The following AK9 variants were observed in gnomAD, a reference collection of about 807,000 sequenced individuals.
AK9 encodes the protein adenylate kinase domain containing 1.
A neutral mutation model predicts 239.6 loss-of-function variants in AK9; 191 were observed. The observed-to-expected ratio is 0.80, with a 90% CI of 0.71 to 0.90. The LOEUF (loss-of-function observed/expected upper bound fraction) is 0.90, where lower values mean the gene tolerates loss of function less well. Ranked by LOEUF, AK9 falls within the 40% of genes least tolerant of loss-of-function variation. AK9 has a pLI of 0.00. For synonymous variants in AK9, 689 were observed against 721.0 expected (o/e 0.96, Z 0.71); for missense variants, 1,995 against 2,214.7 (o/e 0.90, Z 1.99).
chr6:109,574,759 C>T (rs2128198534), intron 20 of AK9, among the ~76,000 whole-genome samples: 1 of 151,892 alleles, frequency 6.6e-6, no homozygotes, highest in East Asian at 1.9e-4. Flanking sequence ...TGTTTTGTTC[C>T]ATGGAAAAGT....
chr6:109,600,417 A>C (rs1328716190), intron 17 of AK9, among the ~76,000 whole-genome samples: 1 of 152,194 alleles, frequency 6.6e-6, no homozygotes, highest in African/African-American at 2.4e-5. Flanking sequence ...CTTGCATCCC[A>C]GGGATGAAGC....
rs1194636025 is a variant in AK9, at chr6:109,627,133, C to T, written c.1254+5790G>A. On this transcript the variant is annotated intron_variant, in intron 12 of 40. Transcript: ENST00000424296. ...TTTTTTCTATTTTTCGATGTTTAAG[C>T]TTTTTTTTTTTTTTTTTTTTTTTTT... is the stretch of plus-strand genomic sequence containing the variant. Among the ~76,000 whole-genome samples, 23 of 67,310 alleles carry T rather than the reference C, an allele frequency of 3.4e-4. No homozygotes were observed. The South Asian group carries it at 5.8e-3, about 17-fold the overall frequency. 44.2% of individuals were successfully genotyped at this position (67,310 alleles called of 152,430 possible).
At chr6:109,575,687 T>C (rs570017612) in intron 20 of AK9, among the ~76,000 whole-genome samples, 2 of 152,288 alleles carry the variant, frequency 1.3e-5, no homozygotes, top group South Asian at 2.1e-4. Context: ...TTTAATTAAG[T>C]CACATCTATT....
chr6:109,657,025 T>A, intron 7 of AK9, 141 bp from the exon 8 acceptor site: 1 of 961,026 alleles, frequency 1.0e-6, no homozygotes, highest in South Asian at 1.6e-5. Flanking sequence ...TAAGGATTTT[T>A]ATTTAAGAGA....
At chr6:109,644,371 C>T (rs1160446213) in intron 9 of AK9, 2 of 361,992 alleles carry the variant, frequency 5.5e-6, no homozygotes, top group African/African-American at 2.2e-5. Context: ...CTTTTGGTTA[C>T]CATTGCTTTT....
chr6:109,569,651 T>C (rs1787123099), intron 21 of AK9, among the ~76,000 whole-genome samples: 1 of 152,168 alleles, frequency 6.6e-6, no homozygotes, highest in South Asian at 2.1e-4. Flanking sequence ...AAAGAAGACA[T>C]TTCTGCAGCC....
At chr6:109,585,016 A>C in intron 19 of AK9, 107 bp downstream of exon 19, 1 of 769,664 alleles carries the variant, frequency 1.3e-6, no homozygotes, top group Non-Finnish European at 1.6e-6. Flanking sequence ...CAAGATAATA[A>C]ATTATCATTT....
At chr6:109,589,706 T>C (rs1265701703) in intron 17 of AK9, among the ~76,000 whole-genome samples, 3 of 152,216 alleles carry the variant, frequency 2.0e-5, no homozygotes, top group Non-Finnish European at 4.4e-5. Context: ...GGGTTTGTTA[T>C]ATACGGCCTT....
At position 109,620,807 on chromosome 6, in the gene AK9, T is replaced by C. The variant is rs183520451; in HGVS notation, c.1255-1571A>G. The stretch of plus-strand genomic sequence containing the variant: ...CATATACACCATATACTATATATAC[T>C]ATTCATACATATACATATACACCAT... On this transcript the variant is annotated intron_variant, in intron 12 of 40. Transcript: ENST00000424296. 1.7e-4 allele frequency among the ~76,000 whole-genome samples: 26 copies of C among 151,336 alleles called. No individual in the cohort carries two copies. In the East Asian group the frequency reaches 4.5e-3, roughly 26 times the overall value.
At chr6:109,576,206 G>T (rs572595370) in intron 20 of AK9, among the ~76,000 whole-genome samples, 47 of 152,020 alleles carry the variant, frequency 3.1e-4, no homozygotes, top group African/African-American at 1.1e-3. Context: ...GTTCTGTGAA[G>T]AATAATGATG....
chr6:109,546,486 C>A (rs757407406), intron 25 of AK9, among the ~76,000 whole-genome samples: 1 of 152,026 alleles, frequency 6.6e-6, no homozygotes, highest in Non-Finnish European at 1.5e-5. Context: ...AACAGAAAGC[C>A]CACTAATAAT....
chr6:109,502,711 A>G (rs1019841608), intron 35 of AK9, among the ~76,000 whole-genome samples: 9 of 152,186 alleles, frequency 5.9e-5, no homozygotes, highest in Non-Finnish European at 1.0e-4. Context: ...CATGTTGGAG[A>G]GATTCACATG....
chr6:109,617,271 A>G (rs978537738), intron 13 of AK9, among the ~76,000 whole-genome samples: 3 of 152,158 alleles, frequency 2.0e-5, no homozygotes, highest in African/African-American at 7.2e-5. Context: ...GAACTTGAGA[A>G]AAATTCTACA....
intron 17 of AK9, among the ~76,000 whole-genome samples, chr6:109,588,070 C>T (rs1789741981): frequency 6.6e-6 from 1 of 151,576 alleles, no homozygotes; most frequent in African/African-American, 2.4e-5. Flanking sequence ...CATATGTTTG[C>T]TGCCTTCTTT....
chr6:109,590,831 G>C (rs1047868768), intron 17 of AK9, among the ~76,000 whole-genome samples: 9 of 152,112 alleles, frequency 5.9e-5, no homozygotes, highest in Non-Finnish European at 1.3e-4. Flanking sequence ...GTATGGCTTT[G>C]AGGGTGCCTT....
intron 28 of AK9, among the ~76,000 whole-genome samples, chr6:109,532,907 C>T (rs185914578): frequency 2.1e-4 from 32 of 152,174 alleles, no homozygotes; most frequent in African/African-American, 7.5e-4. Context: ...ATGGTGTCAT[C>T]GCTCCAGGGG....
intron 4 of AK9, 43 bp from the exon 5 acceptor site, chr6:109,672,058 C>T: frequency 6.2e-7 from 1 of 1,608,220 alleles, no homozygotes; most frequent in Non-Finnish European, 8.5e-7. Context: ...TATAATATAT[C>T]TATGATACAG....
intron 29 of AK9, chr6:109,528,797 C>A (rs576098126): frequency 4.2e-5 from 31 of 736,494 alleles, no homozygotes; most frequent in Middle Eastern, 4.9e-4. Context: ...AGAGGGTCAG[C>A]CTTGAAAAGC....
chr6:109,676,899 A>G lies in AK9; in HGVS notation c.-11-1143T>C, dbSNP rs563719375. ...GAAGATGTGGTACATATATATCAGAATACTATGCAGCCATGAAAAATAAGA... is the reference window on the plus strand; with the variant it reads ...GAAGATGTGGTACATATATATCAGAGTACTATGCAGCCATGAAAAATAAGA... On this transcript the variant is annotated intron_variant, in intron 1 of 40. Transcript: ENST00000424296. Among the ~76,000 whole-genome samples the G allele has an allele frequency of 3.3e-5, 5 of 152,308 alleles. No homozygotes were observed. The South Asian group carries it at 1.0e-3, about 32-fold the overall frequency.
Sources: allele counts gnomAD v4.1 joint callset (sites outside exome capture counted in the v4.1 genomes callset), GRCh38; gene constraint gnomAD v4.1.1; transcripts MANE v1.5; gene names NCBI Gene and HGNC (gene_info 2026-07-23, HGNC 2026-07-21).